Variants in EEA1 observed in about 807,000 individuals in gnomAD.
EEA1 encodes early endosome antigen 1, 162kD.
A neutral mutation model predicts 209.2 loss-of-function variants in EEA1; 111 were observed. The observed-to-expected ratio is 0.53, with a 90% CI of 0.45 to 0.62. The LOEUF is 0.62. EEA1 is among the 20% of genes least tolerant of loss of function. The pLI, the probability that EEA1 is intolerant of heterozygous loss-of-function variation, is 0.00. For missense variants in EEA1, 1,343 were observed against 1,530.8 expected (o/e 0.88, Z 2.05); for synonymous variants, 536 against 540.6 (o/e 0.99, Z 0.12).
intron 25 of EEA1, among the ~76,000 whole-genome samples, 170 bp downstream of exon 25, chr12:92,778,945 A>G (rs560356903): frequency 3.2e-4 from 48 of 152,200 alleles, no homozygotes; most frequent in African/African-American, 1.2e-3. Flanking sequence ...ACAGGGTAAA[A>G]TATTTCCAAC....
At chr12:92,803,303 A>C (rs1050075595) in intron 18 of EEA1, among the ~76,000 whole-genome samples, 5 of 152,108 alleles carry the variant, frequency 3.3e-5, no homozygotes, top group Admixed American at 3.3e-4. Flanking sequence ...CAGATTATAC[A>C]AAGGATTTGT....
Position 92,929,081 on chromosome 12 carries a change from C to A in EEA1, c.-15G>T. The A allele has an allele frequency of 6.3e-7, 1 of 1,588,282 alleles. No homozygotes were observed. The highest frequency in any genetic ancestry group is 8.6e-7 in the Non-Finnish European group (1 of 1,168,294). ...CTCCTTAACATGGTTTAACCACCAC[C>A]CGGCGCCGCCGCGGTGACTCTCCAG... On this transcript the variant is annotated 5_prime_UTR_variant, in exon 1 of 29. Transcript: ENST00000322349.
intron 1 of EEA1, among the ~76,000 whole-genome samples, chr12:92,923,469 T>C (rs1045567825): frequency 6.6e-6 from 1 of 152,212 alleles, no homozygotes; most frequent in East Asian, 1.9e-4. Context: ...CCCCCTACTC[T>C]ATACTAAACT....
At chr12:92,924,111 C>T (rs1247212605) in intron 1 of EEA1, among the ~76,000 whole-genome samples, 1 of 151,716 alleles carries the variant, frequency 6.6e-6, no homozygotes, top group African/African-American at 2.4e-5. Context: ...GAGCAAGACC[C>T]TGTTTCAAAA....
intron 2 of EEA1, among the ~76,000 whole-genome samples, chr12:92,884,960 AT>A (rs3064991): frequency 0.013 from 1,809 of 144,698 alleles, 40 homozygotes; most frequent in African/African-American, 0.043. Context: ...TTCAATGTAG[AT>A]TTTTTTTTTT....
intron 21 of EEA1, among the ~76,000 whole-genome samples, chr12:92,795,180 G>C (rs1874605167): frequency 6.6e-6 from 1 of 152,068 alleles, no homozygotes; most frequent in East Asian, 1.9e-4. Flanking sequence ...TAAATGATCT[G>C]GCCCCTGTCT....
intron 2 of EEA1, chr12:92,883,805 A>G (rs1320584893): frequency 1.3e-6 from 2 of 1,582,858 alleles, no homozygotes; most frequent in Non-Finnish European, 1.7e-6. Flanking sequence ...AAAGAGCCCG[A>G]ACAGCTGAGG....
intron 1 of EEA1, among the ~76,000 whole-genome samples, chr12:92,892,942 T>C (rs1283580498): frequency 6.6e-6 from 1 of 152,194 alleles, no homozygotes; most frequent in Admixed American, 6.5e-5. Context: ...CAATAGTCTC[T>C]TTTCTACACA....
intron 2 of EEA1, among the ~76,000 whole-genome samples, chr12:92,890,273 G>C (rs1037275137): frequency 6.6e-6 from 1 of 152,066 alleles, no homozygotes; most frequent in Non-Finnish European, 1.5e-5. Context: ...GCAGGAGGGA[G>C]AGAGGATAAA....
intron 25 of EEA1, 64 bp downstream of exon 25, chr12:92,779,051 T>A (rs1192022727): frequency 2.2e-6 from 3 of 1,389,928 alleles, no homozygotes; most frequent in Non-Finnish European, 2.9e-6. Context: ...AGTAGAACAG[T>A]CCTCTCACTG....
intron 20 of EEA1, among the ~76,000 whole-genome samples, chr12:92,799,818 C>T (rs1874821824): frequency 6.6e-6 from 1 of 151,786 alleles, no homozygotes; most frequent in Non-Finnish European, 1.5e-5. Flanking sequence ...AAAAAATTCT[C>T]ATATGCCACT....
At chr12:92,903,889 T>A (rs1315211942) in intron 1 of EEA1, among the ~76,000 whole-genome samples, 1 of 152,154 alleles carries the variant, frequency 6.6e-6, no homozygotes, top group East Asian at 1.9e-4. Context: ...TGTGTTAAGA[T>A]GATTTTATTA....
chr12:92,804,626 A>C (rs1875106981), intron 18 of EEA1, among the ~76,000 whole-genome samples: 1 of 152,048 alleles, frequency 6.6e-6, no homozygotes, highest in African/African-American at 2.4e-5. Context: ...GGAAAGCCTC[A>C]ATATTTGGAA....
intron 1 of EEA1, among the ~76,000 whole-genome samples, chr12:92,896,812 A>T (rs1190459294): frequency 6.6e-6 from 1 of 152,038 alleles, no homozygotes; most frequent in Non-Finnish European, 1.5e-5. Flanking sequence ...AGCTATCCCA[A>T]CCTTCAGAAA....
At chr12:92,922,533 T>C (rs1369641240) in intron 1 of EEA1, among the ~76,000 whole-genome samples, 2 of 152,346 alleles carry the variant, frequency 1.3e-5, no homozygotes, top group East Asian at 1.9e-4. Context: ...AACAACTTTC[T>C]AGCTGATCTC....
intron 1 of EEA1, among the ~76,000 whole-genome samples, chr12:92,910,337 T>C (rs1282786299): frequency 2.7e-5 from 4 of 150,266 alleles, no homozygotes; most frequent in African/African-American, 4.9e-5. Context: ...GGCATGGTGG[T>C]GCGCACCTGT....
intron 17 of EEA1, among the ~76,000 whole-genome samples, chr12:92,809,745 T>C (rs965601109): frequency 3.3e-5 from 5 of 151,144 alleles, no homozygotes; most frequent in African/African-American, 9.7e-5. Context: ...AAAAGAAACA[T>C]AGAAACATAA....
intron 10 of EEA1, among the ~76,000 whole-genome samples, chr12:92,838,353 T>C (rs1877019916): frequency 6.6e-6 from 1 of 152,152 alleles, no homozygotes. Flanking sequence ...ACACTGATCA[T>C]CAACACTCAC....
At chr12:92,920,949 A>G (rs1189058150) in intron 1 of EEA1, among the ~76,000 whole-genome samples, 9 of 151,854 alleles carry the variant, frequency 5.9e-5, no homozygotes, top group African/African-American at 1.4e-4. Flanking sequence ...GACATGAACA[A>G]ACACTTCTCA....
Sources: allele counts gnomAD v4.1 joint callset (sites outside exome capture counted in the v4.1 genomes callset), GRCh38; gene constraint gnomAD v4.1.1; transcripts MANE v1.5; gene names NCBI Gene and HGNC (gene_info 2026-07-23, HGNC 2026-07-21).